RIMS1: variants seen among roughly 807,000 people sequenced by gnomAD.
RIMS1 encodes the protein regulating synaptic membrane exocytosis 1.
Under a neutral mutation model 214.1 loss-of-function variants are expected in RIMS1, and 83 were observed. The ratio of observed to expected loss-of-function variants is 0.39; its 90% CI spans 0.32 to 0.47. The LOEUF (loss-of-function observed/expected upper bound fraction) is 0.47. Ranked by LOEUF, RIMS1 falls within the 20% of genes least tolerant of loss-of-function variation. The probability of loss-of-function intolerance (pLI) is 0.99; values close to 1 mark genes in which losing one functional copy is unlikely to be tolerated. For missense variants in RIMS1, 2,050 were observed against 2,161.8 expected (o/e 0.95, Z 1.03); for synonymous variants, 793 against 786.8 (o/e 1.01, Z -0.13).
chr6:72,172,148 A>AT (rs1221886629), intron 4 of RIMS1, among the ~76,000 whole-genome samples: 9 of 152,190 alleles, frequency 5.9e-5, no homozygotes, highest in Non-Finnish European at 1.0e-4. Context: ...ATTAGTTTAC[A>AT]TGCTAACAAA....
intron 31 of RIMS1, among the ~76,000 whole-genome samples, chr6:72,394,753 GA>G (rs11355293): frequency 0.46 from 69,017 of 151,608 alleles, 16,105 homozygotes; most frequent in Middle Eastern, 0.52. Context: ...GAGAACAAAA[GA>G]CTTCTAGGAA....
chr6:72,145,957 G>A (rs1277779169), intron 4 of RIMS1, among the ~76,000 whole-genome samples: 1 of 152,178 alleles, frequency 6.6e-6, no homozygotes, highest in African/African-American at 2.4e-5. Flanking sequence ...AAATACGCTG[G>A]AAATTTTGTT....
At chr6:72,212,114 A>T (rs2053924527) in intron 6 of RIMS1, among the ~76,000 whole-genome samples, 2 of 152,098 alleles carry the variant, frequency 1.3e-5, no homozygotes, top group South Asian at 4.1e-4. Flanking sequence ...AATAATAACT[A>T]CCTGCAGGAA....
chr6:72,225,880 A>G (rs2154063726), intron 6 of RIMS1, among the ~76,000 whole-genome samples: 1 of 152,242 alleles, frequency 6.6e-6, no homozygotes, highest in Middle Eastern at 3.4e-3. Context: ...TTATCTTACT[A>G]TTCTATATTT....
intron 6 of RIMS1, among the ~76,000 whole-genome samples, chr6:72,214,703 T>G (rs1158245888): frequency 6.6e-6 from 1 of 152,070 alleles, no homozygotes; most frequent in Non-Finnish European, 1.5e-5. Context: ...TGAGCCTACA[T>G]AGGCTTATAT....
intron 2 of RIMS1, among the ~76,000 whole-genome samples, chr6:72,038,519 T>C (rs1254706845): frequency 6.6e-6 from 1 of 152,074 alleles, no homozygotes; most frequent in Non-Finnish European, 1.5e-5. Flanking sequence ...GAAACTGATG[T>C]ATTAGGCCTT....
chr6:72,304,601 T>A (rs1361507571), intron 26 of RIMS1, among the ~76,000 whole-genome samples: 1 of 151,900 alleles, frequency 6.6e-6, no homozygotes, highest in African/African-American at 2.4e-5. Flanking sequence ...GATATATAGT[T>A]GAAAAATAAA....
intron 4 of RIMS1, among the ~76,000 whole-genome samples, chr6:72,146,769 C>G (rs2042816270): frequency 6.6e-6 from 1 of 152,178 alleles, no homozygotes; most frequent in South Asian, 2.1e-4. Context: ...TTCTTATAAT[C>G]TTTTACTAAA....
chr6:72,262,883 T>C (rs1268904306), intron 19 of RIMS1: 1 of 558,194 alleles, frequency 1.8e-6, no homozygotes, highest in Non-Finnish European at 2.3e-6. Context: ...ATAAGGAAAA[T>C]AACATTTATT....
Position 72,307,360 on chromosome 6 carries a change from A to G in RIMS1, c.3953A>G (p.Gln1318Arg), listed in dbSNP as rs745512624. The G allele has an allele frequency of 1.8e-5, 29 of 1,592,542 alleles. No homozygotes were observed. The highest frequency in any genetic ancestry group is 2.3e-5 in the South Asian group (2 of 87,158). ...SGSSQELDRE[Q>R]YSKYNIHKDQ... is the part of the protein sequence containing the mutation. ...TCTAGTCAAGAACTTGATCGCGAGC[A>G]ATATTCCAAGGTAAAATTAGTAGTA... The change falls in exon 27 of 34, where the codon CAA (glutamine) becomes CGA (arginine). Residue 1318 changes from glutamine to arginine, a missense_variant. Physicochemically the swap from Gln to Arg is conservative, Grantham distance 43. This residue lies in a region of RIMS1 where 889 missense variants were observed against 885.5 expected (regional missense o/e 1.00). Coordinates refer to ENST00000521978, the MANE Select transcript of RIMS1 (RefSeq NM_014989.7).
At chr6:71,903,246 T>G (rs575394295) in intron 1 of RIMS1, among the ~76,000 whole-genome samples, 1 of 152,250 alleles carries the variant, frequency 6.6e-6, no homozygotes, top group Non-Finnish European at 1.5e-5. Flanking sequence ...GGTATCTCAT[T>G]GTGGTTTTGA....
chr6:72,330,362 A>G (rs1435231232), intron 28 of RIMS1, among the ~76,000 whole-genome samples: 2 of 151,934 alleles, frequency 1.3e-5, no homozygotes, highest in East Asian at 3.9e-4. Context: ...TTTTTCAGCA[A>G]AAAGTCTACA....
At chr6:72,347,147 G>T (rs1396370177) in intron 29 of RIMS1, among the ~76,000 whole-genome samples, 1 of 151,638 alleles carries the variant, frequency 6.6e-6, no homozygotes, top group Non-Finnish European at 1.5e-5. Flanking sequence ...GAAGACTTAT[G>T]CCCCCATAGA....
intron 1 of RIMS1, among the ~76,000 whole-genome samples, chr6:71,938,119 A>G (rs1199213457): frequency 2.0e-5 from 3 of 152,210 alleles, no homozygotes; most frequent in Admixed American, 1.3e-4. Context: ...ACTGGTCCCA[A>G]GTAAGTCGAA....
Position 72,252,753 on chromosome 6 carries a change from T to C in RIMS1, c.2699-8T>C, listed in dbSNP as rs149883454. The C allele has an allele frequency of 1.6e-3, 2,478 of 1,556,046 alleles. 6 individuals are homozygous for C. Among genetic ancestry groups the C allele is most frequent in the South Asian group, 2.6e-3 (217 of 84,346 alleles). On this transcript the variant is annotated splice_region_variant and splice_polypyrimidine_tract_variant and intron_variant, in intron 15 of 33. Transcript: ENST00000521978. ...ACAGAAGTATCTCTTTGCCTTACTG[T>C]TGTGCAGGATCTCAGCGAATCAGTG...
intron 4 of RIMS1, among the ~76,000 whole-genome samples, chr6:72,138,641 C>T (rs2041687464): frequency 6.6e-6 from 1 of 151,998 alleles, no homozygotes; most frequent in Non-Finnish European, 1.5e-5. Flanking sequence ...ACTAAATAGA[C>T]ACTCTTAAAT....
intron 4 of RIMS1, among the ~76,000 whole-genome samples, chr6:72,109,777 A>G (rs1194011236): frequency 6.6e-6 from 1 of 152,140 alleles, no homozygotes; most frequent in African/African-American, 2.4e-5. Flanking sequence ...GTCCTTGCCC[A>G]TGCCTGTGTC....
intron 2 of RIMS1, among the ~76,000 whole-genome samples, chr6:72,085,717 C>G (rs1834519017): frequency 6.6e-6 from 1 of 152,110 alleles, no homozygotes; most frequent in Non-Finnish European, 1.5e-5. Context: ...GAATCAGAAG[C>G]TCTGTAGGTT....
intron 1 of RIMS1, among the ~76,000 whole-genome samples, chr6:71,951,205 G>A (rs554099188): frequency 6.6e-6 from 1 of 152,216 alleles, no homozygotes; most frequent in African/African-American, 2.4e-5. Context: ...TTAGTGGATG[G>A]ATAACATGGT....
Sources: gnomAD v4.1 joint callset for allele counts (sites outside exome capture counted in the v4.1 genomes callset) on GRCh38, gnomAD v4.1.1 for gene constraint, gnomAD v4.1.1 regional missense constraint, MANE v1.5 for transcripts, NCBI Gene and HGNC (gene_info 2026-07-23, HGNC 2026-07-21) for gene names.